WDR72: variants seen among roughly 807,000 people sequenced by gnomAD.
WDR72 encodes the protein WD repeat-containing protein 72.
WDR72 carries 120 observed loss-of-function variants against 124.2 expected under a neutral mutation model. The observed-to-expected ratio is 0.97, with a 90% CI of 0.83 to 1.12. WDR72 has a LOEUF of 1.12. Ranked by LOEUF, WDR72 falls within the 50% of genes most tolerant of loss-of-function variation. The pLI, the probability that WDR72 is intolerant of heterozygous loss-of-function variation, is 0.00. For missense variants in WDR72, 1,387 were observed against 1,278.8 expected, an observed-to-expected ratio of 1.08 and a Z score of -1.29; for synonymous variants, 452 against 441.7, an observed-to-expected ratio of 1.02 and a Z score of -0.29.
rs553200413 is a variant in WDR72, at chr15:53,621,834, A to G, written c.1963-5591T>C. On this transcript the variant is annotated intron_variant, in intron 14 of 19. Transcript: ENST00000360509. ...AAGAAACTATCATCAGCGTGAAGAG[A>G]CAACCTATAGAATGGGAGAAAGTTT... Among the ~76,000 whole-genome samples the G allele has an allele frequency of 1.2e-3, 175 of 152,136 alleles. 1 individual carries two copies. Among genetic ancestry groups the G allele is most frequent in the African/African-American group, 3.7e-3 (154 of 41,532 alleles).
At chr15:53,681,209 A>AGTCTTGCG (rs2016371459) in intron 13 of WDR72, among the ~76,000 whole-genome samples, 1 of 152,226 alleles carries the variant, frequency 6.6e-6, no homozygotes, top group Admixed American at 6.5e-5. Flanking sequence ...CAGTCCACTG[A>AGTCTTGCG]GTCTTGCGTT....
chr15:53,558,113 C>A (rs966769301), intron 18 of WDR72, among the ~76,000 whole-genome samples: 59 of 152,024 alleles, frequency 3.9e-4, no homozygotes, highest in African/African-American at 1.4e-3. Context: ...CATTGACTGA[C>A]ACAGCTCCAC....
In WDR72 at chr15:53,699,957, C is replaced by T. The variant is rs778636356; in HGVS notation, c.1570-12G>A. ...TGCTCACCCCTTAGCTGTGAAAAAA[C>T]AACATGCTTATGTAAGTAAATAGTC... On this transcript the variant is annotated splice_polypyrimidine_tract_variant and intron_variant, in intron 12 of 19. Coordinates refer to ENST00000360509, the MANE Select transcript of WDR72 (RefSeq NM_182758.4). The T allele has an allele frequency of 6.2e-7, 1 of 1,613,956 alleles. No homozygotes were observed. The highest frequency in any genetic ancestry group is 1.3e-5 in the African/African-American group (1 of 74,938).
chr15:53,568,791 C>T (rs548666333), intron 18 of WDR72, among the ~76,000 whole-genome samples: 36 of 152,038 alleles, frequency 2.4e-4, no homozygotes, highest in African/African-American at 8.4e-4. Context: ...GTAGGGTTAT[C>T]ATTTCTCATG....
chr15:53,641,640 T>C (rs561758761), intron 14 of WDR72, among the ~76,000 whole-genome samples: 1 of 152,020 alleles, frequency 6.6e-6, no homozygotes, highest in East Asian at 1.9e-4. Context: ...AATTAAGGCA[T>C]TTTTGTGTCT....
chr15:53,666,426 T>G (rs910337112), intron 13 of WDR72, among the ~76,000 whole-genome samples: 3 of 152,132 alleles, frequency 2.0e-5, no homozygotes, highest in African/African-American at 7.2e-5. Context: ...AAAAAAAGTA[T>G]AAAATAGACC....
chr15:53,709,459 T>C (rs1225350521), intron 9 of WDR72, among the ~76,000 whole-genome samples: 2 of 152,198 alleles, frequency 1.3e-5, no homozygotes, highest in Non-Finnish European at 2.9e-5. Context: ...TTTTAATTGT[T>C]GTATTCTTTC....
At chr15:53,715,535 G>A (rs997475229) in intron 4 of WDR72, among the ~76,000 whole-genome samples, 168 bp from the exon 5 acceptor site, 4 of 152,094 alleles carry the variant, frequency 2.6e-5, no homozygotes, top group Non-Finnish European at 4.4e-5. Context: ...ACTCCTATTG[G>A]CACTTTAGTC....
At chr15:53,621,762 C>T (rs190418652) in intron 14 of WDR72, among the ~76,000 whole-genome samples, 50 of 151,970 alleles carry the variant, frequency 3.3e-4, no homozygotes, top group Admixed American at 7.9e-4. Context: ...TGTCATCAAA[C>T]ACCACCTGTT....
At chr15:53,643,738 G>A (rs577465535) in intron 14 of WDR72, among the ~76,000 whole-genome samples, 60 of 131,454 alleles carry the variant, frequency 4.6e-4, no homozygotes, top group African/African-American at 2.7e-3. Flanking sequence ...ATGTATCTGT[G>A]TGTGTGCGTG....
chr15:53,610,568 T>C (rs2013495891), intron 16 of WDR72, among the ~76,000 whole-genome samples: 1 of 143,698 alleles, frequency 7.0e-6, no homozygotes, highest in Non-Finnish European at 1.5e-5. Context: ...TATTAACATA[T>C]GAGGTATATA....
intron 18 of WDR72, among the ~76,000 whole-genome samples, chr15:53,534,622 G>A (rs1161800141): frequency 1.3e-5 from 2 of 152,016 alleles, no homozygotes; most frequent in Middle Eastern, 3.2e-3. Context: ...TCTTTGCTAT[G>A]ATTCATGCTA....
intron 9 of WDR72, among the ~76,000 whole-genome samples, chr15:53,708,681 A>C (rs558617746): frequency 1.1e-3 from 161 of 152,270 alleles, no homozygotes; most frequent in Middle Eastern, 6.8e-3. Flanking sequence ...AGTTTTTGTC[A>C]TCATCATCAC....
chr15:53,686,415 T>C (rs1203986148), intron 13 of WDR72, among the ~76,000 whole-genome samples: 1 of 149,746 alleles, frequency 6.7e-6, no homozygotes, highest in Non-Finnish European at 1.5e-5. Flanking sequence ...GCAATCCTAG[T>C]CTCTGATAAA....
chr15:53,739,663 G>A (rs1870759), intron 1 of WDR72, among the ~76,000 whole-genome samples: 6,639 of 152,270 alleles, frequency 0.044, 202 homozygotes, highest in African/African-American at 0.088. Flanking sequence ...CTGCTCCTAA[G>A]AACTACTGCT....
At chr15:53,559,920 T>A (rs1894069179) in intron 18 of WDR72, among the ~76,000 whole-genome samples, 2 of 151,972 alleles carry the variant, frequency 1.3e-5, no homozygotes, top group African/African-American at 4.8e-5. Flanking sequence ...ATATAAATGA[T>A]AAGCCTATTG....
In WDR72 at chr15:53,597,205, G is replaced by GT; in HGVS notation, c.3021dup (p.Pro1008ThrfsTer4). ...ATGGACACTGGTTGACTATTGACGG[G>GT]TATCTTTCCCAAACTCTTCATGTGT... On this transcript the variant is annotated frameshift_variant, in exon 18 of 20. Coordinates refer to ENST00000360509, the MANE Select transcript of WDR72 (RefSeq NM_182758.4). LOFTEE classifies it high-confidence loss of function. 1 of 1,613,760 alleles carries GT rather than the reference G, an allele frequency of 6.2e-7. No homozygotes were observed. Among genetic ancestry groups the GT allele is most frequent in the Non-Finnish European group, 8.5e-7 (1 of 1,179,858 alleles).
At chr15:53,622,526 G>GA (rs1216216742) in intron 14 of WDR72, among the ~76,000 whole-genome samples, 2 of 151,920 alleles carry the variant, frequency 1.3e-5, no homozygotes, top group Admixed American at 1.3e-4. Flanking sequence ...TAATGGGAAA[G>GA]AAAAAACAAA....
chr15:53,597,026 T>C (rs1311605167), intron 18 of WDR72, 53 bp downstream of exon 18: 1 of 1,559,662 alleles, frequency 6.4e-7, no homozygotes, highest in Non-Finnish European at 8.8e-7. Flanking sequence ...TTGGAGACTA[T>C]CTATAGTAGA....
Sources: allele counts gnomAD v4.1 joint callset (sites outside exome capture counted in the v4.1 genomes callset), GRCh38; gene constraint gnomAD v4.1.1; transcripts MANE v1.5; gene names NCBI Gene and HGNC (gene_info 2026-07-23, HGNC 2026-07-21).